The following ACSL3 variants were observed in gnomAD, a reference collection of about 807,000 sequenced individuals.
ACSL3 encodes the protein fatty acid CoA ligase Acsl3.
A neutral mutation model predicts 84.7 loss-of-function variants in ACSL3; 34 were observed. That is an observed-to-expected ratio of 0.40 (90% CI 0.31 to 0.53). ACSL3 has a LOEUF of 0.53. ACSL3 is among the 20% of genes least tolerant of loss of function. The pLI is 0.48. For missense variants in ACSL3, 680 were observed against 873.1 expected (o/e 0.78, Z 2.79); for synonymous variants, 315 against 299.4 (o/e 1.05, Z -0.54).
intron 12 of ACSL3, among the ~76,000 whole-genome samples, chr2:222,928,334 T>G (rs1273440873): frequency 6.6e-6 from 1 of 152,148 alleles, no homozygotes; most frequent in Non-Finnish European, 1.5e-5. Context: ...GGGAAAAGAT[T>G]AGAGAGGTGT....
intron 4 of ACSL3, chr2:222,909,507 G>T: frequency 4.9e-6 from 1 of 204,842 alleles, no homozygotes; most frequent in Non-Finnish European, 9.6e-6. Context: ...ATGTGGCTTA[G>T]ATGTGGGTTG....
chr2:222,940,570 G>A (rs1469214564), intron 16 of ACSL3, among the ~76,000 whole-genome samples: 1 of 151,632 alleles, frequency 6.6e-6, no homozygotes, highest in Non-Finnish European at 1.5e-5. Flanking sequence ...ATATGACAGT[G>A]GTCACGTAAG....
At chr2:222,881,943 A>G (rs186336351) in intron 1 of ACSL3, among the ~76,000 whole-genome samples, 2 of 152,320 alleles carry the variant, frequency 1.3e-5, no homozygotes, top group African/African-American at 2.4e-5. Context: ...TAAACAAACC[A>G]TGCTTGGTTA....
chr2:222,898,557 G>A (rs541684246), intron 2 of ACSL3, among the ~76,000 whole-genome samples: 103 of 152,294 alleles, frequency 6.8e-4, no homozygotes, highest in Non-Finnish European at 1.4e-3. Flanking sequence ...TGGTCCATGG[G>A]CCACATTTAA....
chr2:222,905,654 C>A (rs1696273914), intron 3 of ACSL3, among the ~76,000 whole-genome samples: 1 of 152,078 alleles, frequency 6.6e-6, no homozygotes. Context: ...CTCCCCATGA[C>A]CTTTATGGCA....
At chr2:222,916,622 T>A in intron 5 of ACSL3, 126 bp downstream of exon 5, 1 of 1,104,532 alleles carries the variant, frequency 9.1e-7, no homozygotes, top group South Asian at 2.3e-5. Flanking sequence ...GAGAACTCTG[T>A]TGTGACTTGG....
intron 3 of ACSL3, among the ~76,000 whole-genome samples, chr2:222,902,729 C>T (rs1696183569): frequency 6.6e-6 from 1 of 152,188 alleles, no homozygotes; most frequent in African/African-American, 2.4e-5. Flanking sequence ...TTCTACCTCA[C>T]AAATTGAATA....
intron 1 of ACSL3, among the ~76,000 whole-genome samples, chr2:222,862,660 A>G (rs555661605): frequency 1.2e-4 from 18 of 152,142 alleles, no homozygotes; most frequent in African/African-American, 4.3e-4. Flanking sequence ...AAGCCTTCTA[A>G]TTGTCGCATG....
intron 1 of ACSL3, among the ~76,000 whole-genome samples, chr2:222,862,394 C>T (rs1695037418): frequency 6.6e-6 from 1 of 152,156 alleles, no homozygotes; most frequent in Non-Finnish European, 1.5e-5. Flanking sequence ...TGGTGGCTGG[C>T]TGAATAGTTT....
rs541352355 is a variant in ACSL3 at position 222,936,254 on chromosome 2, A to G, written c.2005+1567A>G. On this transcript the variant is annotated intron_variant, in intron 16 of 16. Transcript: ENST00000357430. ...TGGCTTTGAGATTCTGCTTTGAATTATTTTGGATATATACCCAGAAATGAG... is the reference window on the plus strand; with the variant it reads ...TGGCTTTGAGATTCTGCTTTGAATTGTTTTGGATATATACCCAGAAATGAG... Among the ~76,000 whole-genome samples, 326 of 152,244 alleles carry G rather than the reference A, an allele frequency of 2.1e-3. 1 individual carries two copies. The highest frequency in any genetic ancestry group is 7.5e-3 in the African/African-American group (313 of 41,548).
intron 4 of ACSL3, among the ~76,000 whole-genome samples, chr2:222,911,056 T>G (rs10174348): frequency 6.8e-6 from 1 of 147,604 alleles, no homozygotes; most frequent in Non-Finnish European, 1.5e-5. Flanking sequence ...TTTTTTTTTT[T>G]TTTTTTTTTT....
chr2:222,925,059 G>A (rs1696843449), intron 11 of ACSL3, among the ~76,000 whole-genome samples: 1 of 149,660 alleles, frequency 6.7e-6, no homozygotes, highest in Non-Finnish European at 1.5e-5. Flanking sequence ...CATCCTGGCT[G>A]AACACGGTGG....
intron 16 of ACSL3, among the ~76,000 whole-genome samples, chr2:222,938,770 C>T (rs995181253): frequency 6.6e-6 from 1 of 152,122 alleles, no homozygotes; most frequent in Admixed American, 6.5e-5. Context: ...AGCATTTTTC[C>T]ACTTGATGGT....
intron 1 of ACSL3, among the ~76,000 whole-genome samples, chr2:222,867,151 CT>C (rs1487509545): frequency 6.6e-6 from 1 of 152,086 alleles, no homozygotes; most frequent in Non-Finnish European, 1.5e-5. Flanking sequence ...TCTTTTTGGA[CT>C]TGAACATAAT....
intron 7 of ACSL3, among the ~76,000 whole-genome samples, chr2:222,920,361 A>G (rs1337157191): frequency 1.3e-5 from 2 of 152,192 alleles, no homozygotes; most frequent in African/African-American, 4.8e-5. Flanking sequence ...CATATCAGCA[A>G]TGCCAACCAT....
rs770949230 is a variant in ACSL3, at chr2:222,916,368, G to A, written c.428G>A (p.Arg143Gln). 63 of 1,613,464 alleles carry A rather than the reference G, an allele frequency of 3.9e-5. No individual in the cohort carries two copies. Among genetic ancestry groups the A allele is most frequent in the Admixed American group, 6.7e-5 (4 of 59,966 alleles). ...CTTTCCTATGAAGATGTCTTTGTTC[G>A]AGCCTTTAATTTTGGAAATGGATTA... ...NWLSYEDVFV[R>Q]AFNFGNGLQM... Residue 143 changes from arginine to glutamine, a missense_variant, in exon 5 of 17, where the codon CGA (arginine) becomes CAA (glutamine). Physicochemically the swap from Arg to Gln is conservative, Grantham distance 43 (BLOSUM62 1). Around this residue, in one of 2 missense-constraint regions of ACSL3, gnomAD observed 333 missense variants for 347.5 expected, o/e 0.96. Coordinates refer to ENST00000357430, the MANE Select transcript of ACSL3 (RefSeq NM_004457.5).
chr2:222,930,711 C>T lies in ACSL3; in HGVS notation c.1631C>T (p.Ala544Val). 6.2e-7 allele frequency: 1 copy of T among 1,614,000 alleles called. No homozygotes were observed. Among genetic ancestry groups the T allele is most frequent in the Non-Finnish European group, 8.5e-7 (1 of 1,179,974 alleles). ...ACAATGGGGTACTACAAAAATGAAG[C>T]AAAAACAAAAGCTGATTTCTTTGAA... ...SVTMGYYKNE[A>V]KTKADFFEDE... is the part of the protein sequence containing the mutation. The change falls in exon 14 of 17, where the codon GCA (alanine) becomes GTA (valine). Residue 544 changes from alanine to valine, a missense_variant. Physicochemically the swap from Ala to Val is moderately conservative, Grantham distance 64. Around this residue, in one of 2 missense-constraint regions of ACSL3, gnomAD observed 347 missense variants for 525.7 expected, o/e 0.66. Transcript: ENST00000357430.
At chr2:222,893,104 G>A (rs1264714629) in intron 2 of ACSL3, among the ~76,000 whole-genome samples, 1 of 152,158 alleles carries the variant, frequency 6.6e-6, no homozygotes, top group Non-Finnish European at 1.5e-5. Context: ...AAATACAGAG[G>A]AGGAAATCAG....
intron 3 of ACSL3, among the ~76,000 whole-genome samples, chr2:222,903,831 A>G (rs1246498675): frequency 3.3e-5 from 5 of 152,178 alleles, no homozygotes; most frequent in Admixed American, 2.6e-4. Flanking sequence ...CTACTGGACT[A>G]TTTAAGGTAT....
Sources: allele counts gnomAD v4.1 joint callset (sites outside exome capture counted in the v4.1 genomes callset), GRCh38; gene constraint gnomAD v4.1.1; regional missense constraint gnomAD v4.1.1; transcripts MANE v1.5; gene names NCBI Gene and HGNC (gene_info 2026-07-23, HGNC 2026-07-21).